SHROOM3: variants seen among roughly 807,000 people sequenced by gnomAD.
SHROOM3 encodes shroom family member 3.
SHROOM3 carries 47 observed loss-of-function variants against 138.6 expected under a neutral mutation model. That is an observed-to-expected ratio of 0.34 (90% CI 0.27 to 0.43). The LOEUF (loss-of-function observed/expected upper bound fraction) is 0.43. Ranked by LOEUF, SHROOM3 falls within the 20% of genes least tolerant of loss-of-function variation. The pLI, the probability that SHROOM3 is intolerant of heterozygous loss-of-function variation, is 1.00. For synonymous variants in SHROOM3, 1,062 were observed against 1,063.3 expected, an observed-to-expected ratio of 1.00 and a Z score of 0.02; for missense variants, 2,491 against 2,596.5, an observed-to-expected ratio of 0.96 and a Z score of 0.88.
At chr4:76,514,508 G>A (rs1732403708) in intron 1 of SHROOM3, among the ~76,000 whole-genome samples, 1 of 152,172 alleles carries the variant, frequency 6.6e-6, no homozygotes, top group African/African-American at 2.4e-5. Context: ...GGAGAATGGA[G>A]TAGGACTGCG....
chr4:76,575,154 C>A (rs1451107515), intron 2 of SHROOM3, among the ~76,000 whole-genome samples: 2 of 152,144 alleles, frequency 1.3e-5, no homozygotes, highest in South Asian at 2.1e-4. Context: ...TGATAAACAT[C>A]CCTTCATGAT....
intron 3 of SHROOM3, among the ~76,000 whole-genome samples, chr4:76,723,068 T>C (rs34304412): frequency 0.077 from 11,724 of 152,046 alleles, 541 homozygotes; most frequent in Non-Finnish European, 0.1. Context: ...CGTTAAAGAA[T>C]AGCATCAACA....
At chr4:76,778,135 A>G (rs1219428615) in intron 10 of SHROOM3, among the ~76,000 whole-genome samples, 1 of 152,034 alleles carries the variant, frequency 6.6e-6, no homozygotes, top group African/African-American at 2.4e-5. Context: ...ATTTCTAACA[A>G]TTTCCCAGGT....
rs1339785082 is a variant in SHROOM3, at chr4:76,730,857, A to G, written c.509A>G (p.Glu170Gly). The G allele has an allele frequency of 6.2e-7, 1 of 1,613,996 alleles. No individual in the cohort carries two copies. The highest frequency in any genetic ancestry group is 8.5e-7 in the Non-Finnish European group (1 of 1,180,028). ...TCGTGGCACACAACTAAATCTGGGG[A>G]GAAGCAACCCGATGCCAGCATGATG... is the stretch of plus-strand genomic sequence containing the variant. ...PHSWHTTKSG[E>G]KQPDASMMQI... The change falls in exon 4 of 11, where the codon GAG (glutamate) becomes GGG (glycine). Residue 170 changes from glutamate to glycine, a missense_variant. Around this residue, in one of 4 missense-constraint regions of SHROOM3, gnomAD observed 284 missense variants for 322.8 expected, o/e 0.88. Coordinates refer to ENST00000296043, the MANE Select transcript of SHROOM3 (RefSeq NM_020859.4).
At chr4:76,587,426 C>T (rs955789063) in intron 2 of SHROOM3, among the ~76,000 whole-genome samples, 1 of 152,022 alleles carries the variant, frequency 6.6e-6, no homozygotes, top group African/African-American at 2.4e-5. Context: ...ACTTTTCCCA[C>T]CTCATTAATT....
intron 2 of SHROOM3, among the ~76,000 whole-genome samples, chr4:76,661,993 T>C (rs547325018): frequency 6.6e-6 from 1 of 152,236 alleles, no homozygotes; most frequent in Non-Finnish European, 1.5e-5. Context: ...CTTCCCAACA[T>C]GTGGTACTGG....
chr4:76,729,741 A>G (rs928806258), intron 3 of SHROOM3, among the ~76,000 whole-genome samples: 2 of 152,220 alleles, frequency 1.3e-5, no homozygotes, highest in African/African-American at 4.8e-5. Flanking sequence ...CACCTGGTCT[A>G]GTATTTTTCT....
intron 1 of SHROOM3, among the ~76,000 whole-genome samples, chr4:76,540,896 A>G (rs1416399393): frequency 6.6e-6 from 1 of 152,212 alleles, no homozygotes; most frequent in African/African-American, 2.4e-5. Context: ...AAAATGAGAT[A>G]GGGCATGTGT....
intron 1 of SHROOM3, among the ~76,000 whole-genome samples, chr4:76,545,582 T>C (rs540556781): frequency 3.7e-4 from 56 of 152,312 alleles, no homozygotes; most frequent in Middle Eastern, 3.4e-3. Flanking sequence ...GCAAATTTCT[T>C]CCTCTTGGTC....
chr4:76,453,146 A>C (rs1579163366), intron 1 of SHROOM3, among the ~76,000 whole-genome samples: 3 of 152,220 alleles, frequency 2.0e-5, no homozygotes, highest in African/African-American at 7.2e-5. Flanking sequence ...TTAATTTTAT[A>C]AAGACCTACC....
intron 9 of SHROOM3, among the ~76,000 whole-genome samples, chr4:76,760,728 C>T (rs1273707572): frequency 6.6e-6 from 1 of 152,178 alleles, no homozygotes; most frequent in Non-Finnish European, 1.5e-5. Context: ...CAAAGTTTTC[C>T]TATTTACATA....
intron 1 of SHROOM3, among the ~76,000 whole-genome samples, chr4:76,533,248 A>G (rs973576987): frequency 6.6e-6 from 1 of 152,148 alleles, no homozygotes; most frequent in African/African-American, 2.4e-5. Context: ...ATGAGCTATC[A>G]TTTTATTTTG....
intron 2 of SHROOM3, among the ~76,000 whole-genome samples, chr4:76,665,781 G>A (rs530712185): frequency 1.3e-5 from 2 of 152,258 alleles, no homozygotes; most frequent in African/African-American, 4.8e-5. Flanking sequence ...ATGGAGCTAG[G>A]ACCTGGCTTG....
At chr4:76,613,682 C>A (rs1577919497) in intron 2 of SHROOM3, among the ~76,000 whole-genome samples, 1 of 152,090 alleles carries the variant, frequency 6.6e-6, no homozygotes, top group South Asian at 2.1e-4. Context: ...ATGTTGATAG[C>A]AAGGAAGAGA....
chr4:76,571,290 A>G (rs966035094), intron 2 of SHROOM3, among the ~76,000 whole-genome samples: 1 of 152,258 alleles, frequency 6.6e-6, no homozygotes, highest in African/African-American at 2.4e-5. Context: ...AAGCTTTTAC[A>G]TCAGTAAAAA....
At chr4:76,444,492 T>C (rs1325900392) in intron 1 of SHROOM3, among the ~76,000 whole-genome samples, 63 of 124,572 alleles carry the variant, frequency 5.1e-4, no homozygotes, top group African/African-American at 1.9e-3. Context: ...TTCTTTTTTT[T>C]TTTTTTTTTT....
intron 2 of SHROOM3, among the ~76,000 whole-genome samples, chr4:76,584,286 C>G (rs1734106701): frequency 6.6e-6 from 1 of 151,874 alleles, no homozygotes; most frequent in African/African-American, 2.4e-5. Context: ...CCACTGCACT[C>G]CAGCCTGGCG....
intron 6 of SHROOM3, among the ~76,000 whole-genome samples, chr4:76,752,735 G>GGCA: frequency 6.6e-6 from 1 of 152,096 alleles, no homozygotes; most frequent in Non-Finnish European, 1.5e-5. Context: ...TGCCACTTTA[G>GGCA]TATAGTTTGT....
chr4:76,456,477 G>T (rs916078771), intron 1 of SHROOM3, among the ~76,000 whole-genome samples: 7 of 152,210 alleles, frequency 4.6e-5, no homozygotes, highest in Non-Finnish European at 8.8e-5. Flanking sequence ...TTTGATTTGA[G>T]GTTGGTTGAA....
Sources: allele counts gnomAD v4.1 joint callset (sites outside exome capture counted in the v4.1 genomes callset), GRCh38; gene constraint gnomAD v4.1.1; regional missense constraint gnomAD v4.1.1; transcripts MANE v1.5; gene names NCBI Gene and HGNC (gene_info 2026-07-23, HGNC 2026-07-21).